ATG5: variants seen among roughly 807,000 people sequenced by gnomAD.
The protein encoded by ATG5 is autophagy related 5, also known as autophagy protein 5.
In ATG5, 14 loss-of-function variants were observed where a neutral mutation model predicts 36.5. The ratio of observed to expected loss-of-function variants is 0.38; its 90% CI spans 0.25 to 0.60. The LOEUF (loss-of-function observed/expected upper bound fraction) is 0.60, where lower values mean the gene tolerates loss of function less well. Among genes scored for constraint, ATG5 ranks in the 20% least tolerant of loss-of-function variants. ATG5 has a pLI of 0.60. For missense variants in ATG5, 195 were observed against 326.7 expected (o/e 0.60, Z 3.11); for synonymous variants, 95 against 101.5 (o/e 0.94, Z 0.38).
chr6:106,269,400 G>C (rs1562247218), intron 5 of ATG5, among the ~76,000 whole-genome samples: 1 of 152,052 alleles, frequency 6.6e-6, no homozygotes, highest in African/African-American at 2.4e-5. Flanking sequence ...CCCGCGCCGT[G>C]CCCCGCACTC....
In ATG5 at chr6:106,186,704, A is replaced by G. The variant is rs185329702; in HGVS notation, c.692-28T>C. On this transcript the variant is annotated intron_variant, in intron 7 of 7. Coordinates refer to ENST00000369076, the MANE Select transcript of ATG5 (RefSeq NM_004849.4). Reference sequence around the variant, plus strand: ...ATTCCAAGAAAGAAACCCAACAACAATAAAAGTCAAAACAGTTGAAGAAAA... The same window carrying G: ...ATTCCAAGAAAGAAACCCAACAACAGTAAAAGTCAAAACAGTTGAAGAAAA... 184 of 1,609,616 alleles carry G rather than the reference A, an allele frequency of 1.1e-4. No homozygotes were observed. The African/African-American group carries it at 2.1e-3, about 19-fold the overall frequency.
chr6:106,301,177 T>C (rs1000965589), intron 3 of ATG5, among the ~76,000 whole-genome samples: 3 of 152,030 alleles, frequency 2.0e-5, no homozygotes, highest in African/African-American at 7.2e-5. Context: ...AGAAAGAGAC[T>C]CTATTTTGAG....
chr6:106,297,907 C>T (rs1770030530), intron 3 of ATG5, among the ~76,000 whole-genome samples: 2 of 148,596 alleles, frequency 1.3e-5, no homozygotes, highest in South Asian at 2.1e-4. Flanking sequence ...CCTGTCTCTA[C>T]AAAAAAAATT....
chr6:106,251,191 AC>A (rs1778561798), intron 5 of ATG5, among the ~76,000 whole-genome samples: 1 of 152,238 alleles, frequency 6.6e-6, no homozygotes. Context: ...CTCCCTCTGC[AC>A]AACCATGCCA....
intron 5 of ATG5, among the ~76,000 whole-genome samples, chr6:106,264,267 A>C (rs908652693): frequency 6.6e-6 from 1 of 152,186 alleles, no homozygotes; most frequent in Non-Finnish European, 1.5e-5. Context: ...CAACTTACTG[A>C]AAAAAAGTAT....
intron 1 of ATG5, among the ~76,000 whole-genome samples, chr6:106,318,601 T>C (rs553009603): frequency 7.1e-4 from 108 of 152,220 alleles, no homozygotes; most frequent in Non-Finnish European, 1.2e-3. Context: ...TATACCATTG[T>C]TGCTTACATG....
chr6:106,254,391 A>G (rs936195848), intron 5 of ATG5, among the ~76,000 whole-genome samples: 5 of 152,194 alleles, frequency 3.3e-5, no homozygotes, highest in African/African-American at 1.2e-4. Context: ...CTTTATCTTC[A>G]GCCCTAGAAA....
chr6:106,310,136 T>C (rs1370205831), intron 2 of ATG5, among the ~76,000 whole-genome samples: 2 of 152,184 alleles, frequency 1.3e-5, no homozygotes, highest in African/African-American at 4.8e-5. Flanking sequence ...TGTTCAATGC[T>C]ACATTTCCAC....
In ATG5 at chr6:106,325,618, C is replaced by T. The variant is rs954750380; in HGVS notation, c.-151G>A. The T allele has an allele frequency of 1.3e-4, 20 of 152,848 alleles. No individual in the cohort carries two copies. Among genetic ancestry groups the T allele is most frequent in the African/African-American group, 4.8e-4 (20 of 41,462 alleles). The allele number at this position is 152,848 out of a possible 1,614,324, so 9.5% of individuals were successfully genotyped here. On this transcript the variant is annotated 5_prime_UTR_variant, in exon 1 of 8. Transcript: ENST00000369076. ...CGGTGGGGCGGCGGGGCAAGCTGCC[C>T]GCCTGACACACTGTCCTGCGGGGAC...
intron 4 of ATG5, among the ~76,000 whole-genome samples, chr6:106,287,516 A>C (rs1428101335): frequency 6.6e-6 from 1 of 152,156 alleles, no homozygotes; most frequent in Non-Finnish European, 1.5e-5. Context: ...TCTTACCCTT[A>C]ATCATTGCTG....
intron 4 of ATG5, among the ~76,000 whole-genome samples, 177 bp downstream of exon 4, chr6:106,292,851 C>A (rs1780369945): frequency 6.6e-6 from 1 of 152,014 alleles, no homozygotes; most frequent in East Asian, 1.9e-4. Flanking sequence ...AGTGTTTCTG[C>A]CAAGAGTTAG....
At chr6:106,292,855 G>GAGTT (rs1780370115) in intron 4 of ATG5, among the ~76,000 whole-genome samples, 173 bp downstream of exon 4, 1 of 152,184 alleles carries the variant, frequency 6.6e-6, no homozygotes, top group South Asian at 2.1e-4. Flanking sequence ...TTTCTGCCAA[G>GAGTT]AGTTAGGAAA....
At chr6:106,310,473 T>C (rs1770606448) in intron 2 of ATG5, among the ~76,000 whole-genome samples, 1 of 152,146 alleles carries the variant, frequency 6.6e-6, no homozygotes, top group South Asian at 2.1e-4. Flanking sequence ...GACATCATCT[T>C]CTTGTCTTTT....
At chr6:106,316,307 G>A (rs1354650643) in intron 1 of ATG5, 41 bp from the exon 2 acceptor site, 3 of 715,034 alleles carry the variant, frequency 4.2e-6, no homozygotes, top group Non-Finnish European at 6.6e-6. Context: ...TCCTTGCAAC[G>A]ATGAATGAAC....
chr6:106,271,984 C>G (rs932800517), intron 5 of ATG5, among the ~76,000 whole-genome samples: 1 of 152,214 alleles, frequency 6.6e-6, no homozygotes, highest in African/African-American at 2.4e-5. Flanking sequence ...ATCTCCTAAA[C>G]TGCTTCAGGT....
chr6:106,279,042 A>C (rs897780333), intron 5 of ATG5, among the ~76,000 whole-genome samples: 1 of 152,206 alleles, frequency 6.6e-6, no homozygotes, highest in Non-Finnish European at 1.5e-5. Context: ...ATTCATGCAT[A>C]CTGGAACCAT....
chr6:106,317,526 G>A (rs1172501159), intron 1 of ATG5, among the ~76,000 whole-genome samples: 4 of 152,054 alleles, frequency 2.6e-5, no homozygotes, highest in Non-Finnish European at 4.4e-5. Flanking sequence ...TGCAAGAGGT[G>A]GAAAAAATAT....
chr6:106,315,579 T>C (rs565796898), intron 2 of ATG5, among the ~76,000 whole-genome samples: 1 of 152,196 alleles, frequency 6.6e-6, no homozygotes, highest in East Asian at 1.9e-4. Context: ...TTAGCTCACA[T>C]ATAACATACA....
Position 106,186,391 on chromosome 6 carries a change from T to C in ATG5, c.*149A>G. 1 of 904,964 alleles carries C rather than the reference T, an allele frequency of 1.1e-6. No individual in the cohort carries two copies. Among genetic ancestry groups the C allele is most frequent in the Non-Finnish European group, 1.7e-6 (1 of 601,802 alleles). 56.1% of individuals were successfully genotyped at this position (904,964 alleles called of 1,614,324 possible). ...AAGTAAGACCAGCCCAGTTGCCTTA[T>C]CTGACATGGAATCTTTTTCCTGTCT... is the stretch of plus-strand genomic sequence containing the variant. On this transcript the variant is annotated 3_prime_UTR_variant, in exon 8 of 8. Coordinates refer to ENST00000369076, the MANE Select transcript of ATG5 (RefSeq NM_004849.4).
Sources: gnomAD v4.1 joint callset for allele counts (sites outside exome capture counted in the v4.1 genomes callset) on GRCh38, gnomAD v4.1.1 for gene constraint, MANE v1.5 for transcripts, NCBI Gene and HGNC (gene_info 2026-07-23, HGNC 2026-07-21) for gene names.